DOCK3: variants seen among roughly 807,000 people sequenced by gnomAD.
DOCK3 encodes the protein dedicator of cytokinesis protein 3.
A neutral mutation model predicts 265.6 loss-of-function variants in DOCK3; 60 were observed. That is an observed-to-expected ratio of 0.23 (90% CI 0.18 to 0.28). The LOEUF (loss-of-function observed/expected upper bound fraction) is 0.28. DOCK3 is among the 10% of genes least tolerant of loss of function. The pLI is 1.00. For missense variants in DOCK3, 1,981 were observed against 2,594.3 expected (o/e 0.76, Z 5.14); for synonymous variants, 881 against 938.0 (o/e 0.94, Z 1.11).
intron 1 of DOCK3, among the ~76,000 whole-genome samples, chr3:50,776,955 G>C (rs2108505731): frequency 6.6e-6 from 1 of 152,330 alleles, no homozygotes. Context: ...CATAGTGGAA[G>C]ATAAAAGGCA....
intron 27 of DOCK3, among the ~76,000 whole-genome samples, chr3:51,285,404 A>G (rs1192320790): frequency 6.6e-6 from 1 of 152,084 alleles, no homozygotes; most frequent in Admixed American, 6.6e-5. Flanking sequence ...TAATGTTCAT[A>G]AAGATGCTCA....
In DOCK3 at chr3:51,169,803, C is replaced by T. The variant is rs187715396; in HGVS notation, c.1037+9101C>T. Among the ~76,000 whole-genome samples the T allele has an allele frequency of 1.1e-3, 172 of 151,558 alleles. 1 individual carries two copies. The highest frequency in any genetic ancestry group is 7.9e-3 in the Admixed American group (120 of 15,214). ...TATCCTTCATTTTCTTAATGTGGTA[C>T]GTCACATTTATTGATTCATGTATGT... is the stretch of plus-strand genomic sequence containing the variant. On this transcript the variant is annotated intron_variant, in intron 12 of 52. Transcript: ENST00000266037.
chr3:51,354,561 G>A (rs1480898812), intron 40 of DOCK3, among the ~76,000 whole-genome samples: 1 of 152,144 alleles, frequency 6.6e-6, no homozygotes, highest in African/African-American at 2.4e-5. Context: ...TGACCTAGGT[G>A]GACCTTTCAG....
At chr3:50,867,639 G>A (rs2047211857) in intron 3 of DOCK3, among the ~76,000 whole-genome samples, 2 of 151,236 alleles carry the variant, frequency 1.3e-5, no homozygotes, top group African/African-American at 4.9e-5. Flanking sequence ...TATCATGAAG[G>A]GATTTTGAAC....
chr3:50,783,606 C>T (rs761286177), intron 2 of DOCK3, among the ~76,000 whole-genome samples: 1 of 151,954 alleles, frequency 6.6e-6, no homozygotes, highest in Admixed American at 6.6e-5. Flanking sequence ...ATTAGTCCTT[C>T]GTTAGATGCA....
chr3:50,990,362 T>C (rs2078061801), intron 5 of DOCK3, among the ~76,000 whole-genome samples: 1 of 152,122 alleles, frequency 6.6e-6, no homozygotes, highest in South Asian at 2.1e-4. Flanking sequence ...AACTGTCAGA[T>C]GTTCTAAGGT....
chr3:50,970,891 TTATATATATATATATATATATA>T (rs55749209), intron 5 of DOCK3, among the ~76,000 whole-genome samples: 161 of 12,164 alleles, frequency 0.013, 6 homozygotes, highest in African/African-American at 0.029. Context: ...CATCTAATTT[TTATATATATATATATATATATA>T]TATATATATA....
At chr3:51,025,608 A>C (rs1200165256) in intron 5 of DOCK3, among the ~76,000 whole-genome samples, 2 of 152,086 alleles carry the variant, frequency 1.3e-5, no homozygotes, top group African/African-American at 4.8e-5. Context: ...CTCATTCCCC[A>C]GGTTCTGTTC....
chr3:51,158,280 T>C (rs1488238114), intron 10 of DOCK3, among the ~76,000 whole-genome samples: 2 of 152,218 alleles, frequency 1.3e-5, no homozygotes, highest in Non-Finnish European at 2.9e-5. Context: ...GCATGGTAAC[T>C]AACACCTGTA....
At chr3:51,029,790 C>G (rs1195799612) in intron 5 of DOCK3, among the ~76,000 whole-genome samples, 1 of 152,120 alleles carries the variant, frequency 6.6e-6, no homozygotes, top group Non-Finnish European at 1.5e-5. Context: ...TGCAGTGGCT[C>G]AAGGGTGGAG....
At chr3:51,309,310 A>C (rs2082913516) in intron 27 of DOCK3, among the ~76,000 whole-genome samples, 1 of 152,212 alleles carries the variant, frequency 6.6e-6, no homozygotes, top group Non-Finnish European at 1.5e-5. Flanking sequence ...CACTGAGTGA[A>C]CGAGACTCCG....
chr3:51,207,792 G>A (rs1253956558), intron 12 of DOCK3, among the ~76,000 whole-genome samples: 1 of 152,044 alleles, frequency 6.6e-6, no homozygotes, highest in African/African-American at 2.4e-5. Flanking sequence ...AGTTCCATGG[G>A]TTCTCCTTTT....
At chr3:51,039,152 C>T (rs531463426) in intron 5 of DOCK3, among the ~76,000 whole-genome samples, 21 of 151,934 alleles carry the variant, frequency 1.4e-4, no homozygotes, top group African/African-American at 1.7e-4. Context: ...TCTGCCACCA[C>T]ACCCGGCTAA....
chr3:50,869,336 C>T (rs2047317240), intron 3 of DOCK3, among the ~76,000 whole-genome samples: 1 of 58,902 alleles, frequency 1.7e-5, no homozygotes, highest in African/African-American at 6.6e-5. Flanking sequence ...TTTATTTCTG[C>T]TGGGAATTTT....
intron 1 of DOCK3, among the ~76,000 whole-genome samples, chr3:50,705,989 C>G (rs926983071): frequency 5.3e-5 from 8 of 152,086 alleles, no homozygotes; most frequent in African/African-American, 1.9e-4. Flanking sequence ...CAAGATCGTA[C>G]CACTGCACTC....
intron 1 of DOCK3, among the ~76,000 whole-genome samples, chr3:50,707,915 G>A (rs555409993): frequency 6.6e-6 from 1 of 152,242 alleles, no homozygotes; most frequent in Non-Finnish European, 1.5e-5. Flanking sequence ...TTGTGGTGGT[G>A]GTGCAGTCTT....
intron 4 of DOCK3, among the ~76,000 whole-genome samples, chr3:50,895,164 G>T (rs2048831253): frequency 1.4e-5 from 2 of 147,802 alleles, no homozygotes; most frequent in African/African-American, 5.0e-5. Flanking sequence ...TTTTATTTCA[G>T]CATCCATATG....
chr3:51,129,208 G>C (rs2084400882), intron 9 of DOCK3, among the ~76,000 whole-genome samples: 1 of 152,242 alleles, frequency 6.6e-6, no homozygotes, highest in Non-Finnish European at 1.5e-5. Flanking sequence ...ACTACTTGCA[G>C]TTCTGCCCAC....
chr3:51,215,380 C>A (rs1219220460), intron 14 of DOCK3, among the ~76,000 whole-genome samples: 1 of 152,182 alleles, frequency 6.6e-6, no homozygotes, highest in Non-Finnish European at 1.5e-5. Flanking sequence ...AACTCCTGAC[C>A]TCAGCCTCCC....
Sources: allele counts gnomAD v4.1 joint callset (sites outside exome capture counted in the v4.1 genomes callset), GRCh38; gene constraint gnomAD v4.1.1; transcripts MANE v1.5; gene names NCBI Gene and HGNC (gene_info 2026-07-23, HGNC 2026-07-21).